KCNIP4: variants seen among roughly 807,000 people sequenced by gnomAD.
KCNIP4 encodes Kv channel-interacting protein 4.
KCNIP4 carries 12 observed loss-of-function variants against 34.0 expected under a neutral mutation model. The ratio of observed to expected loss-of-function variants is 0.35; its 90% CI spans 0.23 to 0.57. The LOEUF is 0.57. Ranked by LOEUF, KCNIP4 falls within the 20% of genes least tolerant of loss-of-function variation. KCNIP4 has a pLI of 0.83. For missense variants in KCNIP4, 238 were observed against 311.7 expected, an observed-to-expected ratio of 0.76 and a Z score of 1.78; for synonymous variants, 124 against 102.2, an observed-to-expected ratio of 1.21 and a Z score of -1.29.
intron 1 of KCNIP4, among the ~76,000 whole-genome samples, chr4:21,397,834 T>G (rs1372205903): frequency 6.6e-6 from 1 of 152,168 alleles, no homozygotes; most frequent in Non-Finnish European, 1.5e-5. Flanking sequence ...GTATGCCATT[T>G]TTCCCTAAAA....
At chr4:21,870,021 C>T (rs1202620287) in intron 1 of KCNIP4, among the ~76,000 whole-genome samples, 2 of 152,128 alleles carry the variant, frequency 1.3e-5, no homozygotes, top group African/African-American at 4.8e-5. Context: ...CATCCCAGGA[C>T]TGTCTTATAC....
In KCNIP4 at chr4:20,937,328, A is replaced by G. The variant is rs532263550; in HGVS notation, c.62-54619T>C. On this transcript the variant is annotated intron_variant, in intron 1 of 8. Coordinates refer to ENST00000382152, the MANE Select transcript of KCNIP4 (RefSeq NM_025221.6). ...TGGCTCACTGCAAGCTCCACCTCCC[A>G]GGTTCATGCCATTCTCCTGCCTCAG... 1.6e-4 allele frequency among the ~76,000 whole-genome samples: 22 copies of G among 133,548 alleles called. No individual in the cohort carries two copies. In the East Asian group the frequency reaches 4.9e-3, roughly 30 times the overall value. 87.6% of individuals were successfully genotyped at this position (133,548 alleles called of 152,430 possible). A position where few individuals can be genotyped will look rare whatever the true frequency, so the allele number is the denominator to read the frequency against.
intron 3 of KCNIP4, among the ~76,000 whole-genome samples, chr4:20,826,565 G>A (rs771233829): frequency 7.9e-5 from 12 of 151,796 alleles, no homozygotes; most frequent in Non-Finnish European, 1.6e-4. Flanking sequence ...CTCCAGCCTG[G>A]ACAACAGAGT....
At chr4:21,946,851 G>C (rs1730538259) in intron 1 of KCNIP4, among the ~76,000 whole-genome samples, 1 of 152,140 alleles carries the variant, frequency 6.6e-6, no homozygotes, top group Non-Finnish European at 1.5e-5. Flanking sequence ...GGAGATAGCA[G>C]TAAAAGGTTT....
intron 1 of KCNIP4, among the ~76,000 whole-genome samples, chr4:21,124,363 G>A (rs1392431032): frequency 6.6e-6 from 1 of 152,124 alleles, no homozygotes; most frequent in African/African-American, 2.4e-5. Flanking sequence ...AGAACTGATG[G>A]TATAGTGGGA....
At chr4:21,492,014 T>C (rs1327800050) in intron 1 of KCNIP4, among the ~76,000 whole-genome samples, 2 of 152,170 alleles carry the variant, frequency 1.3e-5, no homozygotes, top group Non-Finnish European at 2.9e-5. Flanking sequence ...CCATTTTACC[T>C]CCAAAGATAG....
chr4:20,882,969 C>T (rs1388319), intron 1 of KCNIP4, among the ~76,000 whole-genome samples: 148,924 of 150,808 alleles, frequency 0.99, 73,551 homozygotes, highest in African/African-American at 0.99. Flanking sequence ...ATCTATTGAA[C>T]GGCAAAAGAT....
chr4:21,887,513 T>A (rs947425505), intron 1 of KCNIP4, among the ~76,000 whole-genome samples: 3 of 152,122 alleles, frequency 2.0e-5, no homozygotes, highest in Admixed American at 2.0e-4. Flanking sequence ...CACAAATATT[T>A]AGTCCACATC....
At position 21,685,699 on chromosome 4, in the gene KCNIP4, T is replaced by C. The variant is rs542465628; in HGVS notation, c.61+262872A>G. Reference sequence around the variant, plus strand: ...CCATTGAGATGTAACGTGTCTATGATCCAAGAATATATTCTGACACAAAAA... The same window carrying C: ...CCATTGAGATGTAACGTGTCTATGACCCAAGAATATATTCTGACACAAAAA... On this transcript the variant is annotated intron_variant, in intron 1 of 8. Coordinates refer to ENST00000382152, the MANE Select transcript of KCNIP4 (RefSeq NM_025221.6). Among the ~76,000 whole-genome samples, 15 of 152,352 alleles carry C rather than the reference T, an allele frequency of 9.8e-5. No individual in the cohort carries two copies. In the South Asian group the frequency reaches 3.1e-3, roughly 32 times the overall value.
chr4:20,973,742 A>G (rs1395571738), intron 1 of KCNIP4, among the ~76,000 whole-genome samples: 1 of 152,070 alleles, frequency 6.6e-6, no homozygotes, highest in Non-Finnish European at 1.5e-5. Flanking sequence ...AATTGGCCTA[A>G]TTTCATTATT....
chr4:20,870,839 C>T lies in KCNIP4; in HGVS notation c.163+11769G>A, dbSNP rs142458318. ...TGCCAACTTCTGTGTTTTTGCTTAT[C>T]CTATCCCCACTAAATGAACTTGCCG... is the stretch of plus-strand genomic sequence containing the variant. On this transcript the variant is annotated intron_variant, in intron 2 of 8. Transcript: ENST00000382152. Among the ~76,000 whole-genome samples, 1,326 of 152,220 alleles carry T rather than the reference C, an allele frequency of 8.7e-3. 7 individuals carry two copies. The highest frequency in any genetic ancestry group is 0.014 in the Non-Finnish European group (975 of 68,004).
intron 1 of KCNIP4, among the ~76,000 whole-genome samples, chr4:21,240,677 A>AAC (rs1176666044): frequency 6.6e-6 from 1 of 152,154 alleles, no homozygotes; most frequent in Non-Finnish European, 1.5e-5. Flanking sequence ...GCTTCCATGT[A>AAC]ACAGTGTGGA....
At chr4:20,802,931 C>T (rs1165906327) in intron 3 of KCNIP4, among the ~76,000 whole-genome samples, 6 of 151,712 alleles carry the variant, frequency 4.0e-5, no homozygotes, top group South Asian at 2.1e-4. Context: ...AAAAATTTGC[C>T]GGGCGTGGTG....
chr4:21,036,454 A>C (rs890770519), intron 1 of KCNIP4, among the ~76,000 whole-genome samples: 2 of 152,256 alleles, frequency 1.3e-5, no homozygotes, highest in African/African-American at 4.8e-5. Flanking sequence ...AACTTCTTAC[A>C]CAAAAGACAT....
intron 3 of KCNIP4, among the ~76,000 whole-genome samples, chr4:20,839,862 ATT>A (rs1178653808): frequency 6.6e-6 from 1 of 152,116 alleles, no homozygotes; most frequent in African/African-American, 2.4e-5. Context: ...TACATTATAA[ATT>A]TTACCTCAAC....
chr4:20,895,742 A>T (rs1726443457), intron 1 of KCNIP4, among the ~76,000 whole-genome samples: 1 of 152,240 alleles, frequency 6.6e-6, no homozygotes, highest in South Asian at 2.1e-4. Context: ...AAGTCTTTAC[A>T]ATCTTGTGAA....
chr4:21,087,541 G>A (rs1022746295), intron 1 of KCNIP4, among the ~76,000 whole-genome samples: 1 of 152,160 alleles, frequency 6.6e-6, no homozygotes, highest in South Asian at 2.1e-4. Context: ...ACCTGCCTCG[G>A]CCTCCCAAAG....
intron 1 of KCNIP4, among the ~76,000 whole-genome samples, chr4:21,057,090 T>C (rs1276890934): frequency 6.6e-6 from 1 of 152,172 alleles, no homozygotes; most frequent in East Asian, 1.9e-4. Context: ...TGGGAACTAA[T>C]TGAGGACCAC....
chr4:20,771,656 G>A (rs16869958), intron 3 of KCNIP4, among the ~76,000 whole-genome samples: 7,419 of 151,876 alleles, frequency 0.049, 266 homozygotes, highest in East Asian at 0.2. Flanking sequence ...CATAGGAATT[G>A]GGGGTGAATA....
Sources: allele counts gnomAD v4.1 joint callset (sites outside exome capture counted in the v4.1 genomes callset), GRCh38; gene constraint gnomAD v4.1.1; transcripts MANE v1.5; gene names NCBI Gene and HGNC (gene_info 2026-07-23, HGNC 2026-07-21).